Variants in AMER3 observed in about 807,000 individuals in gnomAD.
AMER3 encodes family with sequence similarity 123C.
For missense variants in AMER3, 1,201 were observed against 1,139.4 expected (o/e 1.05, Z -0.78); for synonymous variants, 541 against 485.5 (o/e 1.11, Z -1.50).
At chr2:130,758,736 C>T (rs902979342) in intron 1 of AMER3, among the ~76,000 whole-genome samples, 14 of 152,156 alleles carry the variant, frequency 9.2e-5, no homozygotes, top group African/African-American at 3.4e-4. Flanking sequence ...AGGGTAGGGA[C>T]GGGTCTGAAC....
intron 1 of AMER3, among the ~76,000 whole-genome samples, chr2:130,759,101 A>G (rs150620090): frequency 5.3e-5 from 8 of 152,362 alleles, no homozygotes; most frequent in African/African-American, 1.7e-4. Context: ...ACTGGACCGA[A>G]CACAGACTAG....
intron 1 of AMER3, among the ~76,000 whole-genome samples, chr2:130,759,505 CAT>C (rs1357870081): frequency 6.6e-6 from 1 of 152,146 alleles, no homozygotes; most frequent in Non-Finnish European, 1.5e-5. Flanking sequence ...TTTTCCAAAA[CAT>C]AGAAAAGAAT....
chr2:130,763,653 T>C lies in AMER3; in HGVS notation c.1581T>C (p.Pro527=). ...TPRAPPTPGQ[P]AAPPGSQGAP... is the part of the protein sequence containing the mutation. ...GTGCCCCACCCACCCCTGGGCAGCC[T>C]GCAGCTCCACCTGGTTCCCAGGGAG... Residue 527 remains proline (P), a synonymous_variant, in exon 2 of 2, where the codon CCT becomes CCC. Transcript: ENST00000321420. 7.4e-7 allele frequency: 1 copy of C among 1,351,670 alleles called. No individual in the cohort carries two copies. The highest frequency in any genetic ancestry group is 9.8e-7 in the Non-Finnish European group (1 of 1,018,442). The allele number at this position is 1,351,670 out of a possible 1,614,324, so 83.7% of individuals were successfully genotyped here.
rs760452879 is a variant in AMER3, at chr2:130,764,129, G to T, written c.2057G>T (p.Ser686Ile). 2 of 1,611,940 alleles carry T rather than the reference G, an allele frequency of 1.2e-6. No homozygotes were observed. The highest frequency in any genetic ancestry group is 1.7e-6 in the Non-Finnish European group (2 of 1,179,372). Residue 686 changes from serine (S) to isoleucine (I), a missense_variant, in exon 2 of 2, where the codon AGC (serine) becomes ATC (isoleucine). Transcript: ENST00000321420. ...CVARVAALKI[S>I]SNEQPPAAWP... is the part of the protein sequence containing the mutation. ...GCCCGTGTGGCAGCCCTGAAGATCA[G>T]CTCAAACGAACAGCCCCCGGCCGCA...
In AMER3 at chr2:130,764,375, C is replaced by A; in HGVS notation, c.2303C>A (p.Ala768Asp). Reference protein sequence around the residue: ...EPTGLGVQAWASVEDQPLQLS... With the variant: ...EPTGLGVQAWDSVEDQPLQLS... Reference sequence around the variant, plus strand: ...ACCGGGCTAGGTGTCCAGGCCTGGGCCTCTGTGGAGGACCAGCCCTTGCAG... The same window carrying A: ...ACCGGGCTAGGTGTCCAGGCCTGGGACTCTGTGGAGGACCAGCCCTTGCAG... The change falls in exon 2 of 2, where the codon GCC (alanine) becomes GAC (aspartate). Residue 768 changes from alanine to aspartate, a missense_variant. By Grantham distance (126) the Ala-to-Asp change is moderately radical. Transcript: ENST00000321420. 1 of 1,612,752 alleles carries A rather than the reference C, an allele frequency of 6.2e-7. No homozygotes were observed. Among genetic ancestry groups the A allele is most frequent in the Non-Finnish European group, 8.5e-7 (1 of 1,179,666 alleles).
rs867685067 is a variant in AMER3, at chr2:130,764,008, G to A, written c.1936G>A (p.Gly646Arg). ...CTGGCCCTGCTCCCAGAAGGAGCCT[G>A]GGCCACCAGGGGTCCTGGGGTGTTT... ...STWPCSQKEP[G>R]PPGVLGCFRG... Residue 646 changes from glycine (G) to arginine (R), a missense_variant, in exon 2 of 2, where the codon GGG (glycine) becomes AGG (arginine). Physicochemically the swap from Gly to Arg is moderately radical, Grantham distance 125. Coordinates refer to ENST00000321420, the MANE Select transcript of AMER3 (RefSeq NM_152698.3). 2 of 1,613,004 alleles carry A rather than the reference G, an allele frequency of 1.2e-6. No homozygotes were observed. Among genetic ancestry groups the A allele is most frequent in the African/African-American group, 1.3e-5 (1 of 74,924 alleles).
At position 130,764,869 on chromosome 2, in the gene AMER3, C is replaced by G. The variant is rs1469830681; in HGVS notation, c.*211C>G. On this transcript the variant is annotated 3_prime_UTR_variant, in exon 2 of 2. Transcript: ENST00000321420. ...AGGCAGCCCACCGCCAAAGACAGCG[C>G]GAAGCTGCAACCACCTAGCTGCTCC... 1.6e-6 allele frequency: 1 copy of G among 624,740 alleles called. No individual in the cohort carries two copies. Among genetic ancestry groups the G allele is most frequent in the African/African-American group, 1.8e-5 (1 of 54,278 alleles). 38.7% of individuals were successfully genotyped at this position (624,740 alleles called of 1,614,324 possible).
rs973687491 is a variant in AMER3, at chr2:130,765,588, A to G, written c.*930A>G. On this transcript the variant is annotated 3_prime_UTR_variant, in exon 2 of 2. Transcript: ENST00000321420. ...TTTGACGTTTTTATACACACGCACA[A>G]TGCTTACACACACAGTCAACCTGGG... The G allele has an allele frequency of 6.0e-6, 1 of 166,992 alleles. No homozygotes were observed. The highest frequency in any genetic ancestry group is 1.5e-5 in the Non-Finnish European group (1 of 68,116). 10.3% of individuals were successfully genotyped at this position (166,992 alleles called of 1,614,324 possible).
chr2:130,767,754 CA>C lies in AMER3; in HGVS notation c.*3098del, dbSNP rs1183594668. On this transcript the variant is annotated 3_prime_UTR_variant, in exon 2 of 2. Transcript: ENST00000321420. ...AGATTCGCTTACCTGATCCTTGCAT[CA>C]ACCTCAATGCAGTTGTCAGCCCCAT... 1.8e-5 allele frequency: 3 copies of C among 167,316 alleles called. No individual in the cohort carries two copies. Among genetic ancestry groups the C allele is most frequent in the Non-Finnish European group, 4.4e-5 (3 of 68,284 alleles). The allele number at this position is 167,316 out of a possible 1,614,324, so 10.4% of individuals were successfully genotyped here. A position where few individuals can be genotyped will look rare whatever the true frequency, so the allele number is the denominator to read the frequency against.
Position 130,764,474 on chromosome 2 carries a change from C to T in AMER3, c.2402C>T (p.Ala801Val), listed in dbSNP as rs1678923975. 6.3e-7 allele frequency: 1 copy of T among 1,598,670 alleles called. No individual in the cohort carries two copies. Among genetic ancestry groups the T allele is most frequent in the Admixed American group, 1.7e-5 (1 of 57,512 alleles). The stretch of plus-strand genomic sequence containing the variant: ...TCTGAGCCCCGCTCAGCCCCTGCTG[C>T]CCGGTGGAGTTCCCAGGGCCACCAT... ...LDSEPRSAPAARWSSQGHHPE... is the reference protein window; with the variant it reads ...LDSEPRSAPAVRWSSQGHHPE... The change falls in exon 2 of 2, where the codon GCC becomes GTC. Residue 801 changes from alanine to valine, a missense_variant. Coordinates refer to ENST00000321420, the MANE Select transcript of AMER3 (RefSeq NM_152698.3).
chr2:130,759,363 G>A (rs1036691042), intron 1 of AMER3, among the ~76,000 whole-genome samples: 2 of 152,158 alleles, frequency 1.3e-5, no homozygotes, highest in African/African-American at 4.8e-5. Context: ...TGAGAAACTG[G>A]TAGTTTTATT....
At chr2:130,756,032 AGACGGGGC>A (rs1678592859) in intron 1 of AMER3, among the ~76,000 whole-genome samples, 2 of 152,012 alleles carry the variant, frequency 1.3e-5, no homozygotes, top group Non-Finnish European at 2.9e-5. Flanking sequence ...CCAGAAACAG[AGACGGGGC>A]GATACGAACA....
chr2:130,764,111 T>G lies in AMER3; in HGVS notation c.2039T>G (p.Val680Gly), dbSNP rs1362546146. 3 of 1,611,748 alleles carry G rather than the reference T, an allele frequency of 1.9e-6. No homozygotes were observed. Among genetic ancestry groups the G allele is most frequent in the African/African-American group, 1.3e-5 (1 of 74,912 alleles). ...ATGCTGGCAGGCTGTGTGGCCCGTG[T>G]GGCAGCCCTGAAGATCAGCTCAAAC... is the stretch of plus-strand genomic sequence containing the variant. ...EPMLAGCVAR[V>G]AALKISSNEQ... Residue 680 changes from valine to glycine, a missense_variant, in exon 2 of 2, where the codon GTG becomes GGG. Val to Gly is a moderately radical substitution (Grantham distance 109). Transcript: ENST00000321420.
intron 1 of AMER3, among the ~76,000 whole-genome samples, chr2:130,756,857 G>A (rs182404457): frequency 9.9e-5 from 15 of 151,434 alleles, no homozygotes; most frequent in African/African-American, 3.4e-4. Context: ...CCGCACAGTG[G>A]CCCTCACTCC....
rs574693020 is a variant in AMER3, at chr2:130,764,942, G to A, written c.*284G>A. 51 of 410,002 alleles carry A rather than the reference G, an allele frequency of 1.2e-4. No individual in the cohort carries two copies. The highest frequency in any genetic ancestry group is 7.5e-4 in the South Asian group (15 of 19,940). The allele number at this position is 410,002 out of a possible 1,614,324, so 25.4% of individuals were successfully genotyped here. A position where few individuals can be genotyped will look rare whatever the true frequency, so the allele number is the denominator to read the frequency against. On this transcript the variant is annotated 3_prime_UTR_variant, in exon 2 of 2. Coordinates refer to ENST00000321420, the MANE Select transcript of AMER3 (RefSeq NM_152698.3). ...GGCTAGGGCTTGAAACTGAGGGGGA[G>A]AAAGAGCTGCACATTGTAAATGGGA...
In AMER3 at chr2:130,763,029, G is replaced by A. The variant is rs1473111858; in HGVS notation, c.957G>A (p.Gln319=). ...FWDSVNRSVR[Q]QQRALLGPWL... Reference sequence around the variant, plus strand: ...ACAGTGTGAATCGCTCAGTGCGTCAGCAGCAGCGTGCCCTCCTAGGCCCGT... The same window carrying A: ...ACAGTGTGAATCGCTCAGTGCGTCAACAGCAGCGTGCCCTCCTAGGCCCGT... Residue 319 remains glutamine, a synonymous_variant, in exon 2 of 2, where the codon CAG becomes CAA. Transcript: ENST00000321420. The A allele has an allele frequency of 8.1e-6, 13 of 1,613,258 alleles. No homozygotes were observed. The highest frequency in any genetic ancestry group is 1.1e-5 in the Non-Finnish European group (13 of 1,179,944).
Position 130,766,593 on chromosome 2 carries a change from C to T in AMER3, c.*1935C>T, listed in dbSNP as rs993928841. The T allele has an allele frequency of 6.7e-6, 1 of 150,258 alleles. No individual in the cohort carries two copies. Among genetic ancestry groups the T allele is most frequent in the Admixed American group, 6.7e-5 (1 of 14,822 alleles). 9.3% of individuals were successfully genotyped at this position (150,258 alleles called of 1,614,324 possible). A position where few individuals can be genotyped will look rare whatever the true frequency, so the allele number is the denominator to read the frequency against. On this transcript the variant is annotated 3_prime_UTR_variant, in exon 2 of 2. Coordinates refer to ENST00000321420, the MANE Select transcript of AMER3 (RefSeq NM_152698.3). ...CTCACTGCAGCCTCTACCTCCTGGG[C>T]TCAAGCAGTCCTCCCACCTCAGCCT...
In AMER3 at chr2:130,762,967, G is replaced by T. The variant is rs780433435; in HGVS notation, c.895G>T (p.Ala299Ser). The T allele has an allele frequency of 6.2e-7, 1 of 1,612,988 alleles. No homozygotes were observed. Among genetic ancestry groups the T allele is most frequent in the African/African-American group, 1.3e-5 (1 of 74,894 alleles). Residue 299 changes from alanine to serine, a missense_variant, in exon 2 of 2, where the codon GCC becomes TCC. By Grantham distance (99) the Ala-to-Ser change is moderately conservative. Transcript: ENST00000321420. Reference protein sequence around the residue: ...QGSVEQLASPAQNEASDFTRF... With the variant: ...QGSVEQLASPSQNEASDFTRF... Reference sequence around the variant, plus strand: ...CAGTGTGGAGCAGCTGGCCTCGCCCGCCCAGAATGAAGCCTCTGACTTCAC... The same window carrying T: ...CAGTGTGGAGCAGCTGGCCTCGCCCTCCCAGAATGAAGCCTCTGACTTCAC...
Position 130,762,125 on chromosome 2 carries a change from A to T in AMER3, c.53A>T (p.His18Leu). 1 of 1,610,984 alleles carries T rather than the reference A, an allele frequency of 6.2e-7. No homozygotes were observed. Among genetic ancestry groups the T allele is most frequent in the Non-Finnish European group, 8.5e-7 (1 of 1,179,080 alleles). ...TFIKSSLQVS[H>L]EKPPDPAAVA... is the part of the protein sequence containing the mutation. ...ATCAAGTCCAGCCTGCAGGTTTCCC[A>T]CGAGAAACCCCCAGACCCAGCAGCC... The change falls in exon 2 of 2, where the codon CAC becomes CTC. Residue 18 changes from histidine (H) to leucine (L), a missense_variant. By Grantham distance (99) the His-to-Leu change is moderately conservative (BLOSUM62 -3). Coordinates refer to ENST00000321420, the MANE Select transcript of AMER3 (RefSeq NM_152698.3).
Sources: allele counts gnomAD v4.1 joint callset (sites outside exome capture counted in the v4.1 genomes callset), GRCh38; gene constraint gnomAD v4.1.1; transcripts MANE v1.5; gene names NCBI Gene and HGNC (gene_info 2026-07-23, HGNC 2026-07-21).